The following TRPM4 variants were observed in gnomAD, a reference collection of about 807,000 sequenced individuals.
TRPM4 encodes the protein calcium-activated non-selective cation channel 1.
Under a neutral mutation model 135.6 loss-of-function variants are expected in TRPM4, and 124 were observed. The observed-to-expected ratio is 0.91, with a 90% CI of 0.79 to 1.06. The LOEUF (loss-of-function observed/expected upper bound fraction) is 1.06, where lower values mean the gene tolerates loss of function less well. Ranked by LOEUF, TRPM4 falls within the 50% of genes least tolerant of loss-of-function variation. TRPM4 has a pLI of 0.00. For missense variants in TRPM4, 1,658 were observed against 1,671.4 expected, an observed-to-expected ratio of 0.99 and a Z score of 0.14; for synonymous variants, 745 against 705.6, an observed-to-expected ratio of 1.06 and a Z score of -0.88.
chr19:49,210,951 G>C lies in TRPM4; in HGVS notation c.3462-64G>C, dbSNP rs1221408091. The C allele has an allele frequency of 2.5e-6, 3 of 1,187,430 alleles. No homozygotes were observed. Among genetic ancestry groups the C allele is most frequent in the African/African-American group, 1.6e-5 (1 of 63,122 alleles). The allele number at this position is 1,187,430 out of a possible 1,614,324, so 73.6% of individuals were successfully genotyped here. A position where few individuals can be genotyped will look rare whatever the true frequency, so the allele number is the denominator to read the frequency against. ...GGGAGAGAGGGAGGAGGCCCGGGAAGCAGGCAGAGCCCTGGGGGTGGGTGG... is the reference window on the plus strand; with the variant it reads ...GGGAGAGAGGGAGGAGGCCCGGGAACCAGGCAGAGCCCTGGGGGTGGGTGG... On this transcript the variant is annotated intron_variant, in intron 22 of 24. Transcript: ENST00000252826. This position sits in a 1 kb window ranked among gnomAD's most constrained non-coding sequence, Gnocchi z 4.1.
At chr19:49,196,031 GTAT>G (rs1968620350) in intron 16 of TRPM4, among the ~76,000 whole-genome samples, 1 of 151,822 alleles carries the variant, frequency 6.6e-6, no homozygotes, top group African/African-American at 2.4e-5. Flanking sequence ...GCTAATTTTT[GTAT>G]TTTTAGTAGA....
rs1969274608 is a variant in TRPM4, at chr19:49,209,680, C to T, written c.3132-529C>T. On this transcript the variant is annotated intron_variant, in intron 20 of 24. Transcript: ENST00000252826. ...ACTTTAACCTGACTTCAACCTCCAC[C>T]TTATACCGTGATACCATCCCAACTT... Among the ~76,000 whole-genome samples, 5 of 151,710 alleles carry T rather than the reference C, an allele frequency of 3.3e-5. No individual in the cohort carries two copies. In the South Asian group the frequency reaches 1.0e-3, roughly 32 times the overall value.
At chr19:49,189,236 A>G in intron 14 of TRPM4, 145 bp downstream of exon 14, 1 of 1,263,858 alleles carries the variant, frequency 7.9e-7, no homozygotes, top group Non-Finnish European at 1.1e-6. Flanking sequence ...CTTCTCTCTC[A>G]GAAAGGCTGC....
chr19:49,191,016 G>T (rs1428799389), intron 16 of TRPM4, among the ~76,000 whole-genome samples: 1 of 152,134 alleles, frequency 6.6e-6, no homozygotes, highest in Non-Finnish European at 1.5e-5. Context: ...CAGAAAGTGA[G>T]GGAGGAGCCA....
Position 49,196,823 on chromosome 19 carries a change from A to G in TRPM4, c.2594A>G (p.Asn865Ser), listed in dbSNP as rs1248121496. 2 of 1,591,062 alleles carry G rather than the reference A, an allele frequency of 1.3e-6. No individual in the cohort carries two copies. The highest frequency in any genetic ancestry group is 4.5e-5 in the East Asian group (2 of 44,336). Reference protein sequence around the residue: ...RLRLYLADSWNQCDLVALTCF... With the variant: ...RLRLYLADSWSQCDLVALTCF... ...CGCCTCTACCTCGCCGACAGCTGGA[A>G]CCAGTGCGACCTAGTGGCTCTCACC... Residue 865 changes from asparagine to serine, a missense_variant, in exon 17 of 25, where the codon AAC becomes AGC. Asn to Ser is a conservative substitution (Grantham distance 46). Coordinates refer to ENST00000252826, the MANE Select transcript of TRPM4 (RefSeq NM_017636.4).
intron 2 of TRPM4, 103 bp downstream of exon 2, chr19:49,158,362 C>T: frequency 2.7e-6 from 3 of 1,102,346 alleles, no homozygotes; most frequent in Non-Finnish European, 4.2e-6. Flanking sequence ...TTCCTGGACT[C>T]GGGGACCTTC....
chr19:49,206,020 G>A (rs1377743828), intron 20 of TRPM4, among the ~76,000 whole-genome samples: 3 of 152,256 alleles, frequency 2.0e-5, no homozygotes, highest in East Asian at 1.9e-4. Flanking sequence ...GATTGCAGTG[G>A]CACGATCTCT....
intron 9 of TRPM4, among the ~76,000 whole-genome samples, chr19:49,179,238 A>G (rs902961448): frequency 1.3e-5 from 2 of 150,752 alleles, no homozygotes; most frequent in African/African-American, 4.9e-5. Context: ...TATTTTTAGC[A>G]GAGACGAGGT....
rs1256137913 is a variant in TRPM4 at position 49,196,591 on chromosome 19, G to T, written c.2362G>T (p.Val788Phe). 6.4e-7 allele frequency: 1 copy of T among 1,557,438 alleles called. No individual in the cohort carries two copies. Among genetic ancestry groups the T allele is most frequent in the Non-Finnish European group, 8.7e-7 (1 of 1,153,860 alleles). Reference sequence around the variant, plus strand: ...GGTGACCATCTTCATGGGCAACGTGGTCAGCTACCTGCTGTTCCTGCTGCT... The same window carrying T: ...GGTGACCATCTTCATGGGCAACGTGTTCAGCTACCTGCTGTTCCTGCTGCT... ...APVTIFMGNV[V>F]SYLLFLLLFS... The change falls in exon 17 of 25, where the codon GTC becomes TTC. Residue 788 changes from valine (V) to phenylalanine (F), a missense_variant. This residue lies in a region of TRPM4 where 1,412 missense variants were observed against 1,408.7 expected (regional missense o/e 1.00). Transcript: ENST00000252826.
Position 49,210,817 on chromosome 19 carries a change from G to A in TRPM4, c.3436G>A (p.Glu1146Lys), listed in dbSNP as rs1969332400. ...TAGGGACAAGCGGGAGAGCGACTCC[G>A]AGCGTCTGAAGCGCACGTCCCAGAA... ...RARDKRESDS[E>K]RLKRTSQKVD... The change falls in exon 22 of 25, where the codon GAG becomes AAG. Residue 1146 changes from glutamate to lysine, a missense_variant. Transcript: ENST00000252826. This position sits in a 1 kb window ranked among gnomAD's most constrained non-coding sequence, Gnocchi z 4.1. 1.2e-6 allele frequency: 2 copies of A among 1,612,872 alleles called. No individual in the cohort carries two copies. The highest frequency in any genetic ancestry group is 1.1e-5 in the South Asian group (1 of 90,800).
In TRPM4 at chr19:49,172,195, A is replaced by G. The variant is rs577801109; in HGVS notation, c.1150+87A>G. On this transcript the variant is annotated intron_variant, in intron 9 of 24. Coordinates refer to ENST00000252826, the MANE Select transcript of TRPM4 (RefSeq NM_017636.4). The stretch of plus-strand genomic sequence containing the variant: ...CCTGGGCACTTCATCCACCCTCTCT[A>G]ATCCAAGGCCCATGCCCCCTTTACC... The G allele has an allele frequency of 2.3e-3, 2,366 of 1,034,768 alleles. 7 individuals carry two copies. Among genetic ancestry groups the G allele is most frequent in the Non-Finnish European group, 3.2e-3 (2,094 of 658,570 alleles). The allele number at this position is 1,034,768 out of a possible 1,614,324, so 64.1% of individuals were successfully genotyped here.
At chr19:49,192,010 T>C (rs948159381) in intron 16 of TRPM4, among the ~76,000 whole-genome samples, 1 of 152,190 alleles carries the variant, frequency 6.6e-6, no homozygotes, top group Non-Finnish European at 1.5e-5. Context: ...GCGGAATCAG[T>C]TGATTGAGGG....
At chr19:49,180,063 T>C (rs7252170) in intron 9 of TRPM4, among the ~76,000 whole-genome samples, 51,053 of 152,080 alleles carry the variant, frequency 0.34, 8,872 homozygotes, top group African/African-American at 0.42. Context: ...CCCCAGAGCC[T>C]ATTGCTCACC....
chr19:49,158,298 C>A (rs975781645), intron 2 of TRPM4, 39 bp downstream of exon 2: 8 of 1,595,784 alleles, frequency 5.0e-6, no homozygotes, highest in Non-Finnish European at 6.9e-6. Flanking sequence ...AGAGGGTCCG[C>A]GGCCCGCTGA....
intron 10 of TRPM4, among the ~76,000 whole-genome samples, chr19:49,182,073 C>T (rs899504666): frequency 1.1e-4 from 15 of 142,156 alleles, no homozygotes; most frequent in Non-Finnish European, 1.8e-4. Context: ...TCCATCCATC[C>T]ATCCATCCAT....
At chr19:49,187,198 T>TG (rs200181598) in intron 12 of TRPM4, among the ~76,000 whole-genome samples, 1,984 of 151,866 alleles carry the variant, frequency 0.013, 43 homozygotes, top group African/African-American at 0.045. Flanking sequence ...TTTTCTTGTT[T>TG]TTTTTTTTTT....
At chr19:49,174,374 A>G (rs1451055808) in intron 9 of TRPM4, among the ~76,000 whole-genome samples, 3 of 151,604 alleles carry the variant, frequency 2.0e-5, no homozygotes, top group Non-Finnish European at 2.9e-5. Flanking sequence ...GCTGGCCTCG[A>G]ACTCCTGACC....
chr19:49,181,669 C>T (rs982702711), intron 10 of TRPM4, among the ~76,000 whole-genome samples: 1 of 151,380 alleles, frequency 6.6e-6, no homozygotes. Context: ...GTAGCTGGGA[C>T]TACAGGCGCC....
At chr19:49,195,152 T>C (rs549040350) in intron 16 of TRPM4, among the ~76,000 whole-genome samples, 1 of 152,270 alleles carries the variant, frequency 6.6e-6, no homozygotes, top group South Asian at 2.1e-4. Context: ...TACAATTCAG[T>C]GCTTCTTGGT....
Sources: gnomAD v4.1 joint callset for allele counts (sites outside exome capture counted in the v4.1 genomes callset) on GRCh38, gnomAD v4.1.1 for gene constraint, gnomAD v4.1.1 regional missense constraint, Gnocchi (gnomAD v3.1) non-coding constraint, MANE v1.5 for transcripts, NCBI Gene and HGNC (gene_info 2026-07-23, HGNC 2026-07-21) for gene names.